Variants in DMD observed in about 807,000 individuals in gnomAD.
DMD encodes the protein dystrophin.
A neutral mutation model predicts 330.1 loss-of-function variants in DMD; 63 were observed. That is an observed-to-expected ratio of 0.19 (90% CI 0.16 to 0.24). The LOEUF (loss-of-function observed/expected upper bound fraction) is 0.24, where lower values mean the gene tolerates loss of function less well. DMD is among the 10% of genes least tolerant of loss of function. DMD has a pLI of 1.00. For missense variants in DMD, 3,344 were observed against 2,684.1 expected, an observed-to-expected ratio of 1.25 and a Z score of -5.43; for synonymous variants, 1,223 against 959.8, an observed-to-expected ratio of 1.27 and a Z score of -5.07.
chrX:32,724,230 A>T (rs892075658), intron 7 of DMD, among the ~76,000 whole-genome samples: 7 of 111,705 alleles, frequency 6.3e-5, no homozygotes, highest in African/African-American at 2.3e-4. Flanking sequence ...AATAAACTCT[A>T]AATTAAATCA....
At chrX:31,959,769 G>GTTTTTT (rs201621257) in intron 45 of DMD, among the ~76,000 whole-genome samples, 1 of 80,918 alleles carries the variant, frequency 1.2e-5, no homozygotes, top group South Asian at 6.3e-4. Flanking sequence ...CAGCACCGTG[G>GTTTTTT]TTTTTTTTTT....
rs1569139194 is a variant in DMD, at chrX:32,529,378, A to AATTTT, written c.2169-11248_2169-11247insAAAAT. On this transcript the variant is annotated intron_variant, in intron 17 of 78. Transcript: ENST00000357033. ...GCGAATTCCACCTTGGCAAAAATCAACTTTTTTTTTTTTTTTTTTTTTTTT... is the reference window on the plus strand; with the variant it reads ...GCGAATTCCACCTTGGCAAAAATCAAATTTTCTTTTTTTTTTTTTTTTTTTTTTTT... Among the ~76,000 whole-genome samples, 81 of 73,056 alleles carry AATTTT rather than the reference A, an allele frequency of 1.1e-3. 1 individual carries two copies. The highest frequency in any genetic ancestry group is 4.2e-3 in the African/African-American group (77 of 18,444). 63.4% of individuals were successfully genotyped at this position (73,056 alleles called of 115,157 possible).
At chrX:32,839,955 C>A (rs1056071821) in intron 4 of DMD, among the ~76,000 whole-genome samples, 2 of 111,430 alleles carry the variant, frequency 1.8e-5, no homozygotes, top group Non-Finnish European at 3.8e-5. Flanking sequence ...ATGATCCACC[C>A]GCCTGGACCA....
intron 55 of DMD, among the ~76,000 whole-genome samples, chrX:31,529,327 G>A: frequency 9.0e-6 from 1 of 110,883 alleles, no homozygotes; most frequent in Non-Finnish European, 1.9e-5. Context: ...TGAGGCTGCA[G>A]TGAGCTATGA....
chrX:31,539,302 G>A (rs956645207), intron 55 of DMD, among the ~76,000 whole-genome samples: 1 of 111,900 alleles, frequency 8.9e-6, no homozygotes, highest in African/African-American at 3.2e-5. Context: ...GTCCAGAAAA[G>A]CAATGCAACT....
intron 2 of DMD, among the ~76,000 whole-genome samples, chrX:32,864,638 A>G (rs1229792545): frequency 2.7e-5 from 3 of 111,590 alleles, no homozygotes; most frequent in Admixed American, 9.6e-5. Context: ...CCAAATTCCT[A>G]TTGTTATATC....
At chrX:32,538,854 A>C (rs1489831567) in intron 17 of DMD, among the ~76,000 whole-genome samples, 1 of 110,801 alleles carries the variant, frequency 9.0e-6, no homozygotes, top group Non-Finnish European at 1.9e-5. Flanking sequence ...TATGGTGTAT[A>C]AGTATCACCG....
intron 7 of DMD, among the ~76,000 whole-genome samples, chrX:32,769,735 T>A (rs2073395827): frequency 9.0e-6 from 1 of 110,881 alleles, no homozygotes; most frequent in African/African-American, 3.3e-5. Flanking sequence ...CCTCAAATTC[T>A]GTGGTACTAC....
intron 13 of DMD, among the ~76,000 whole-genome samples, chrX:32,580,527 G>A (rs1017986876): frequency 9.0e-6 from 1 of 111,685 alleles, no homozygotes; most frequent in Non-Finnish European, 1.9e-5. Context: ...GTAACTGCTA[G>A]GGTCAGATAG....
At chrX:32,827,065 C>CACACACACA (rs1557061629) in intron 4 of DMD, among the ~76,000 whole-genome samples, 3 of 68,986 alleles carry the variant, frequency 4.3e-5, no homozygotes, top group Non-Finnish European at 7.9e-5. Flanking sequence ...CACCCCCCCC[C>CACACACACA]CACACACACA....
intron 44 of DMD, among the ~76,000 whole-genome samples, chrX:32,097,591 G>C (rs2148060158): frequency 9.0e-6 from 1 of 111,641 alleles, no homozygotes; most frequent in East Asian, 2.8e-4. Context: ...GATATATAAA[G>C]TGACTTAGTT....
At position 32,348,542 on chromosome X, in the gene DMD, T is replaced by C; in HGVS notation, c.5326-14A>G. ...AGGAATGGAGGCCTAAAAAAAAAGA[T>C]AGTGCTACTTTAAATCAAAATTACT... is the stretch of plus-strand genomic sequence containing the variant. On this transcript the variant is annotated splice_polypyrimidine_tract_variant and intron_variant, in intron 37 of 78. Coordinates refer to ENST00000357033, the MANE Select transcript of DMD (RefSeq NM_004006.3). 6.8e-6 allele frequency: 8 copies of C among 1,183,216 alleles called. No homozygotes were observed. The highest frequency in any genetic ancestry group is 3.5e-5 in the African/African-American group (2 of 57,097).
At position 32,685,333 on chromosome X, in the gene DMD, T is replaced by C. The variant is rs181227574; in HGVS notation, c.960+12537A>G. ...ACTTTTTCAGGTATTATAAAGTAAATTTGAATGTTTCAGAAAGAGGACTAC... is the reference window on the plus strand; with the variant it reads ...ACTTTTTCAGGTATTATAAAGTAAACTTGAATGTTTCAGAAAGAGGACTAC... On this transcript the variant is annotated intron_variant, in intron 9 of 78. Transcript: ENST00000357033. 1.4e-4 allele frequency among the ~76,000 whole-genome samples: 16 copies of C among 111,812 alleles called. No individual in the cohort carries two copies. The East Asian group carries it at 3.4e-3, about 24-fold the overall frequency.
chrX:31,309,798 T>C (rs1411037760), intron 62 of DMD, among the ~76,000 whole-genome samples: 1 of 112,142 alleles, frequency 8.9e-6, no homozygotes, highest in African/African-American at 3.2e-5. Context: ...CACAGAAACA[T>C]TGAAAGGAAA....
intron 9 of DMD, among the ~76,000 whole-genome samples, chrX:32,653,786 A>G (rs754173869): frequency 8.4e-4 from 94 of 112,089 alleles, no homozygotes; most frequent in African/African-American, 2.9e-3. Flanking sequence ...CTTCCTATCC[A>G]TGAGCATAGA....
intron 1 of DMD, among the ~76,000 whole-genome samples, chrX:33,319,968 T>G (rs2053991416): frequency 8.9e-6 from 1 of 111,807 alleles, no homozygotes; most frequent in Admixed American, 9.6e-5. Context: ...GTTGTAATTT[T>G]TGGTGAGTGG....
At chrX:32,651,391 C>T (rs2060144240) in intron 9 of DMD, among the ~76,000 whole-genome samples, 1 of 111,750 alleles carries the variant, frequency 8.9e-6, no homozygotes, top group African/African-American at 3.3e-5. Context: ...CATCCGCCCA[C>T]CTCAGCCTCC....
At chrX:31,942,536 T>C (rs1284623662) in intron 45 of DMD, among the ~76,000 whole-genome samples, 1 of 112,136 alleles carries the variant, frequency 8.9e-6, no homozygotes, top group Non-Finnish European at 1.9e-5. Context: ...GGATTCATCA[T>C]ACAATGTTCC....
chrX:32,980,360 C>A (rs1270199013), intron 2 of DMD, among the ~76,000 whole-genome samples: 1 of 58,536 alleles, frequency 1.7e-5, no homozygotes, highest in Non-Finnish European at 2.8e-5. Context: ...CAGAGCCAGA[C>A]TCTGTCTCAA....
Sources: allele counts gnomAD v4.1 joint callset (sites outside exome capture counted in the v4.1 genomes callset), GRCh38; gene constraint gnomAD v4.1.1; transcripts MANE v1.5; gene names NCBI Gene and HGNC (gene_info 2026-07-23, HGNC 2026-07-21).